PRKG1: variants seen among roughly 807,000 people sequenced by gnomAD.
PRKG1 encodes the protein cGMP-dependent protein kinase 1.
In PRKG1, 35 loss-of-function variants were observed where a neutral mutation model predicts 88.1. The ratio of observed to expected loss-of-function variants is 0.40; its 90% confidence interval spans 0.30 to 0.53. PRKG1 has a LOEUF of 0.53. PRKG1 is among the 20% of genes least tolerant of loss of function. The pLI, the probability that PRKG1 is intolerant of heterozygous loss-of-function variation, is 0.59. For synonymous variants in PRKG1, 303 were observed against 292.5 expected (o/e 1.04, Z -0.37); for missense variants, 540 against 839.8 (o/e 0.64, Z 4.41).
At chr10:52,232,282 G>T (rs1198682023) in intron 9 of PRKG1, among the ~76,000 whole-genome samples, 5 of 151,612 alleles carry the variant, frequency 3.3e-5, no homozygotes, top group Non-Finnish European at 7.4e-5. Context: ...CAGCCTGGGC[G>T]ACAGAGCTAG....
intron 1 of PRKG1, among the ~76,000 whole-genome samples, chr10:51,065,816 G>A (rs1439173557): frequency 6.6e-6 from 1 of 152,088 alleles, no homozygotes; most frequent in Non-Finnish European, 1.5e-5. Context: ...AGTCTAATGG[G>A]AGATGTATCT....
At chr10:51,011,123 A>C (rs187604387) in intron 1 of PRKG1, among the ~76,000 whole-genome samples, 2 of 152,306 alleles carry the variant, frequency 1.3e-5, no homozygotes, top group African/African-American at 2.4e-5. Flanking sequence ...CCCACTGAGA[A>C]TCACTGGGCA....
chr10:51,337,665 A>T (rs1055160718), intron 2 of PRKG1, among the ~76,000 whole-genome samples: 25 of 152,180 alleles, frequency 1.6e-4, no homozygotes, highest in African/African-American at 6.0e-4. Flanking sequence ...AACATTACTG[A>T]TCATTAGAGA....
At chr10:51,212,770 C>A (rs1838258837) in intron 2 of PRKG1, among the ~76,000 whole-genome samples, 10 of 152,280 alleles carry the variant, frequency 6.6e-5, no homozygotes, top group Admixed American at 5.9e-4. Flanking sequence ...CAGTGAGATA[C>A]CATCTCACAC....
At chr10:51,770,901 A>T (rs1838287853) in intron 3 of PRKG1, among the ~76,000 whole-genome samples, 1 of 152,140 alleles carries the variant, frequency 6.6e-6, no homozygotes, top group Admixed American at 6.5e-5. Flanking sequence ...AACAAGAGGG[A>T]TATGTTCTGA....
chr10:50,991,399 C>T lies in PRKG1; in HGVS notation c.21C>T (p.Asp7=). Reference sequence around the variant, plus strand: ...AAAAAATGAGCGAGCTAGAGGAAGACTTTGCCAAGATTCTCATGCTCAAGG... The same window carrying T: ...AAAAAATGAGCGAGCTAGAGGAAGATTTTGCCAAGATTCTCATGCTCAAGG... Residue 7 remains aspartate, a synonymous_variant, in exon 1 of 18, where the codon GAC becomes GAT. Coordinates refer to the PRKG1 transcript ENST00000401604. This position sits in a 1 kb window ranked among gnomAD's most constrained non-coding sequence, Gnocchi z 4.5. The T allele has an allele frequency of 6.4e-7, 1 of 1,554,114 alleles. No individual in the cohort carries two copies. Among genetic ancestry groups the T allele is most frequent in the Non-Finnish European group, 8.7e-7 (1 of 1,150,306 alleles).
intron 5 of PRKG1, among the ~76,000 whole-genome samples, chr10:51,994,753 T>A (rs1411676379): frequency 2.0e-5 from 3 of 152,210 alleles, no homozygotes; most frequent in Admixed American, 6.5e-5. Context: ...ACATGCCTGC[T>A]GAGCTTTTTT....
At chr10:51,397,972 A>G (rs993051687) in intron 2 of PRKG1, among the ~76,000 whole-genome samples, 1 of 152,200 alleles carries the variant, frequency 6.6e-6, no homozygotes, top group East Asian at 1.9e-4. Context: ...CAGTTGATAT[A>G]TCAACCTAAA....
chr10:51,074,760 C>T lies in PRKG1; in HGVS notation c.170C>T (p.Thr57Ile), dbSNP rs758888287. 61 of 1,613,964 alleles carry T rather than the reference C, an allele frequency of 3.8e-5. No homozygotes were observed. Among genetic ancestry groups the T allele is most frequent in the Non-Finnish European group, 4.9e-5 (58 of 1,179,990 alleles). ...TACCGCTCGGTGATCCGACCAGCCA[C>T]CCAGCAGGCGCAGAAGCAGAGCGCG... ...DKYRSVIRPA[T>I]QQAQKQSAST... The change falls in exon 1 of 18, where the codon ACC becomes ATC. Residue 57 changes from threonine (T) to isoleucine (I), a missense_variant. Thr to Ile is a moderately conservative substitution (Grantham distance 89, BLOSUM62 -1). Coordinates refer to ENST00000373980, the MANE Select transcript of PRKG1 (RefSeq NM_006258.4).
chr10:51,553,289 C>T (rs370648112), intron 3 of PRKG1, among the ~76,000 whole-genome samples: 1 of 151,634 alleles, frequency 6.6e-6, no homozygotes, highest in Admixed American at 6.6e-5. Context: ...TATATTAATT[C>T]TTTTGCCGTG....
rs534154353 is a variant in PRKG1 at position 51,571,312 on chromosome 10, T to C, written c.592+103476T>C. Among the ~76,000 whole-genome samples, 4 of 152,052 alleles carry C rather than the reference T, an allele frequency of 2.6e-5. No individual in the cohort carries two copies. The East Asian group carries it at 7.8e-4, about 29-fold the overall frequency. The stretch of plus-strand genomic sequence containing the variant: ...ACACTGAATTAGTAGACAAATCCTA[T>C]GTTTAACCTGAAAGGTGTGTTACTG... On this transcript the variant is annotated intron_variant, in intron 3 of 17. Transcript: ENST00000373980.
intron 1 of PRKG1, among the ~76,000 whole-genome samples, chr10:50,995,082 A>G (rs1251171255): frequency 2.6e-5 from 4 of 152,184 alleles, no homozygotes; most frequent in Non-Finnish European, 4.4e-5. Flanking sequence ...ATGACTCTGT[A>G]GGAATTTTAT....
chr10:51,201,582 A>C (rs1032828820), intron 2 of PRKG1, among the ~76,000 whole-genome samples: 3 of 152,216 alleles, frequency 2.0e-5, no homozygotes, highest in Admixed American at 1.3e-4. Flanking sequence ...TCTCTCCAAA[A>C]TTTACATGCT....
At chr10:51,609,871 A>G (rs1564571696) in intron 3 of PRKG1, among the ~76,000 whole-genome samples, 1 of 152,158 alleles carries the variant, frequency 6.6e-6, no homozygotes, top group Non-Finnish European at 1.5e-5. Flanking sequence ...GCATTAGGAA[A>G]TATAGGTAAT....
intron 4 of PRKG1, among the ~76,000 whole-genome samples, chr10:51,873,368 A>T (rs1841207500): frequency 6.6e-6 from 1 of 152,082 alleles, no homozygotes; most frequent in African/African-American, 2.4e-5. Context: ...CCTCTACCCT[A>T]AAAACTGTAG....
At chr10:51,911,917 C>T (rs1013213574) in intron 5 of PRKG1, among the ~76,000 whole-genome samples, 2 of 152,166 alleles carry the variant, frequency 1.3e-5, no homozygotes, top group East Asian at 1.9e-4. Context: ...GTTCGTTTGA[C>T]AAATATTTAT....
chr10:51,232,749 C>T (rs189364193), intron 2 of PRKG1, among the ~76,000 whole-genome samples: 2 of 152,180 alleles, frequency 1.3e-5, no homozygotes, highest in East Asian at 1.9e-4. Flanking sequence ...AATTCTTGTC[C>T]TCCCCTGTGC....
intron 3 of PRKG1, among the ~76,000 whole-genome samples, chr10:51,723,633 G>GAAAAAC (rs1842066120): frequency 1.5e-5 from 2 of 131,202 alleles, no homozygotes; most frequent in Admixed American, 7.3e-5. Context: ...AAAAGAAAAA[G>GAAAAAC]TTATCTGATG....
chr10:51,245,372 C>G (rs1282672767), intron 2 of PRKG1: 1 of 151,986 alleles, frequency 6.6e-6, no homozygotes. Context: ...CAACTCTGCC[C>G]CCTTTCCCCC....
Sources: allele counts gnomAD v4.1 joint callset (sites outside exome capture counted in the v4.1 genomes callset), GRCh38; gene constraint gnomAD v4.1.1; non-coding constraint Gnocchi (gnomAD v3.1); transcripts MANE v1.5; gene names NCBI Gene and HGNC (gene_info 2026-07-23, HGNC 2026-07-21).